Variants in PALD1 observed in about 807,000 individuals in gnomAD.
PALD1 encodes the protein paladin.
Under a neutral mutation model 96.0 loss-of-function variants are expected in PALD1, and 57 were observed. The observed-to-expected ratio is 0.59, with a 90% CI of 0.48 to 0.74. The LOEUF (loss-of-function observed/expected upper bound fraction) is 0.74, where lower values mean the gene tolerates loss of function less well. Ranked by LOEUF, PALD1 falls within the 30% of genes least tolerant of loss-of-function variation. PALD1 has a pLI of 0.00. For missense variants in PALD1, 1,063 were observed against 1,143.7 expected (o/e 0.93, Z 1.02); for synonymous variants, 464 against 473.6 (o/e 0.98, Z 0.26).
intron 1 of PALD1, among the ~76,000 whole-genome samples, chr10:70,488,743 G>A (rs912950249): frequency 6.6e-6 from 1 of 152,128 alleles, no homozygotes; most frequent in African/African-American, 2.4e-5. Context: ...TGGGAGAGAT[G>A]GGAAGAAGTC....
At chr10:70,561,761 C>T (rs1847742213) in intron 18 of PALD1, among the ~76,000 whole-genome samples, 1 of 152,172 alleles carries the variant, frequency 6.6e-6, no homozygotes, top group South Asian at 2.1e-4. Context: ...TCCCACTCTG[C>T]CCACCCTGGG....
At chr10:70,471,667 C>T in the PALD1 span, among the ~76,000 whole-genome samples, 3 of 152,252 alleles carry the variant, frequency 2.0e-5, no homozygotes, top group Non-Finnish European at 4.4e-5. Flanking sequence ...TAGCCTTGTT[C>T]AGTTGTCAGT....
chr10:70,510,123 A>G (rs1191573110), intron 1 of PALD1, among the ~76,000 whole-genome samples: 1 of 152,020 alleles, frequency 6.6e-6, no homozygotes, highest in Non-Finnish European at 1.5e-5. Context: ...GAGGGTGCCT[A>G]AGGGGGTACT....
At chr10:70,559,194 T>C (rs1847680800) in intron 18 of PALD1, among the ~76,000 whole-genome samples, 2 of 152,242 alleles carry the variant, frequency 1.3e-5, no homozygotes, top group South Asian at 4.1e-4. Context: ...AGGCAGGGAC[T>C]CCATGAGAAG....
chr10:70,508,082 G>T (rs1223214096), intron 1 of PALD1, among the ~76,000 whole-genome samples: 1 of 152,160 alleles, frequency 6.6e-6, no homozygotes, highest in East Asian at 1.9e-4. Flanking sequence ...ATGAGTGATT[G>T]GGGGGCTGGT....
chr10:70,534,225 G>A, intron 8 of PALD1, 152 bp downstream of exon 8: 1 of 1,011,124 alleles, frequency 9.9e-7, no homozygotes, highest in Non-Finnish European at 1.4e-6. Flanking sequence ...GAGACTTGCT[G>A]GGAGACCTGG....
At chr10:70,518,513 CTT>C (rs1281588680) in intron 1 of PALD1, among the ~76,000 whole-genome samples, 1 of 152,182 alleles carries the variant, frequency 6.6e-6, no homozygotes, top group Non-Finnish European at 1.5e-5. Flanking sequence ...TATCGTCAGT[CTT>C]TTAAATTTGT....
intron 18 of PALD1, 70 bp downstream of exon 18, chr10:70,547,516 G>A (rs979380645): frequency 3.4e-6 from 4 of 1,161,292 alleles, no homozygotes; most frequent in African/African-American, 3.1e-5. Flanking sequence ...CCAGGGAGTG[G>A]CTGATGTGGC....
At chr10:70,489,152 A>G (rs1846061381) in intron 1 of PALD1, among the ~76,000 whole-genome samples, 2 of 152,022 alleles carry the variant, frequency 1.3e-5, no homozygotes, top group African/African-American at 4.8e-5. Flanking sequence ...GGGCCTCCCA[A>G]TAGCTATCTT....
At chr10:70,481,266 A>T (rs1845926739) in intron 1 of PALD1, among the ~76,000 whole-genome samples, 1 of 152,188 alleles carries the variant, frequency 6.6e-6, no homozygotes, top group South Asian at 2.1e-4. Context: ...CAGGAACCAG[A>T]CACAGGTGGG....
chr10:70,473,588 T>G, the PALD1 span, among the ~76,000 whole-genome samples: 10,907 of 152,206 alleles, frequency 0.072, 482 homozygotes, highest in South Asian at 0.23. Context: ...CTCATTCACT[T>G]CTCAGGGGAT....
intron 1 of PALD1, among the ~76,000 whole-genome samples, chr10:70,524,453 G>A (rs141877911): frequency 0.013 from 1,926 of 152,254 alleles, 16 homozygotes; most frequent in Middle Eastern, 0.058. Context: ...AGATGTCCCA[G>A]CCATCTTTTG....
chr10:70,479,356 G>A (rs1032519580), intron 1 of PALD1, among the ~76,000 whole-genome samples: 10 of 152,184 alleles, frequency 6.6e-5, no homozygotes, highest in Non-Finnish European at 8.8e-5. Context: ...CCAGACCTGG[G>A]AGCATGGCCA....
chr10:70,489,586 C>A (rs554049114), intron 1 of PALD1, among the ~76,000 whole-genome samples: 11 of 152,122 alleles, frequency 7.2e-5, no homozygotes, highest in Non-Finnish European at 1.6e-4. Context: ...GGGAGCTCTG[C>A]ATAGGTGGGT....
At position 70,540,254 on chromosome 10, in the gene PALD1, CTG is replaced by C. The variant is rs1374386203; in HGVS notation, c.1908+496_1908+497del. ...TGGTGTGTGTGTCTCAGTTGGGGGA[CTG>C]TGTATGGAGTGTGTGGGTGGTGTGT... On this transcript the variant is annotated intron_variant, in intron 15 of 19. Coordinates refer to ENST00000263563, the MANE Select transcript of PALD1 (RefSeq NM_014431.3). The surrounding 1 kb of genome is among the most constrained non-coding windows in gnomAD (Gnocchi z 4.2). Among the ~76,000 whole-genome samples, 1 of 149,398 alleles carries C rather than the reference CTG, an allele frequency of 6.7e-6. No homozygotes were observed. Among genetic ancestry groups the C allele is most frequent in the Non-Finnish European group, 1.5e-5 (1 of 67,208 alleles).
At chr10:70,483,901 AGGTGCTGAAAGGTACAACACATTCT>A (rs1393329333) in intron 1 of PALD1, among the ~76,000 whole-genome samples, 1 of 152,198 alleles carries the variant, frequency 6.6e-6, no homozygotes, top group African/African-American at 2.4e-5. Context: ...TGTATACATC[AGGTGCTGAAAGGTACAACACATTCT>A]GCAACTGAGT....
intron 2 of PALD1, among the ~76,000 whole-genome samples, chr10:70,527,497 T>TAA (rs1487065388): frequency 6.6e-6 from 1 of 152,218 alleles, no homozygotes; most frequent in African/African-American, 2.4e-5. Flanking sequence ...TCCTTTCACT[T>TAA]ACATAGTATC....
At chr10:70,494,782 C>T (rs1020294691) in intron 1 of PALD1, among the ~76,000 whole-genome samples, 2 of 152,202 alleles carry the variant, frequency 1.3e-5, no homozygotes, top group Admixed American at 1.3e-4. Context: ...CTGGTCATGT[C>T]CTCCATTCTG....
chr10:70,538,462 C>G (rs977957844), intron 12 of PALD1, 54 bp downstream of exon 12: 13 of 1,563,878 alleles, frequency 8.3e-6, no homozygotes, highest in Non-Finnish European at 1.1e-5. Flanking sequence ...TGGCCCTGGC[C>G]CCTAAACACT....
Sources: allele counts gnomAD v4.1 joint callset (sites outside exome capture counted in the v4.1 genomes callset), GRCh38; gene constraint gnomAD v4.1.1; non-coding constraint Gnocchi (gnomAD v3.1); transcripts MANE v1.5; gene names NCBI Gene and HGNC (gene_info 2026-07-23, HGNC 2026-07-21).